MAPKAP1: variants seen among roughly 807,000 people sequenced by gnomAD.
The protein encoded by MAPKAP1 is target of rapamycin complex 2 subunit MAPKAP1.
In MAPKAP1, 20 loss-of-function variants were observed where a neutral mutation model predicts 65.7. That is an observed-to-expected ratio of 0.30 (90% CI 0.21 to 0.44). The LOEUF (loss-of-function observed/expected upper bound fraction) is 0.44. Among genes scored for constraint, MAPKAP1 ranks in the 20% least tolerant of loss-of-function variants. The pLI is 1.00. For missense variants in MAPKAP1, 423 were observed against 648.0 expected (o/e 0.65, Z 3.77); for synonymous variants, 222 against 244.3 (o/e 0.91, Z 0.85).
intron 6 of MAPKAP1, 35 bp from the exon 7 acceptor site, chr9:125,543,203 C>A: frequency 7.0e-7 from 1 of 1,419,818 alleles, no homozygotes; most frequent in South Asian, 1.2e-5. Flanking sequence ...TCATCACCAA[C>A]ATTCATCCAG....
intron 8 of MAPKAP1, among the ~76,000 whole-genome samples, chr9:125,484,858 C>T (rs558911379): frequency 6.6e-6 from 1 of 152,242 alleles, no homozygotes; most frequent in East Asian, 1.9e-4. Context: ...GCAGGAAGCT[C>T]AGTCCACAGG....
At chr9:125,696,570 A>G (rs1835392015) in intron 1 of MAPKAP1, among the ~76,000 whole-genome samples, 1 of 152,138 alleles carries the variant, frequency 6.6e-6, no homozygotes, top group South Asian at 2.1e-4. Context: ...ATTTGCAAAC[A>G]TAGGCAAAAC....
Position 125,585,488 on chromosome 9 carries a change from C to G in MAPKAP1, c.671+67G>C, listed in dbSNP as rs1010645312. On this transcript the variant is annotated intron_variant, in intron 5 of 11. Transcript: ENST00000265960. ...CCAATGCCTAGAAAGACTAACCAGC[C>G]TAGAAGACACCTTGGGTGGCCAAAA... The G allele has an allele frequency of 1.9e-6, 3 of 1,559,012 alleles. No homozygotes were observed. In the African/African-American group the frequency reaches 4.1e-5, roughly 21 times the overall value.
intron 10 of MAPKAP1, among the ~76,000 whole-genome samples, chr9:125,465,424 G>A (rs955892579): frequency 4.6e-5 from 7 of 152,102 alleles, no homozygotes; most frequent in Non-Finnish European, 1.0e-4. Context: ...AACAGAAGAC[G>A]CCCCACAGAT....
intron 1 of MAPKAP1, among the ~76,000 whole-genome samples, chr9:125,693,592 TACACACAC>T (rs1050749444): frequency 6.7e-6 from 1 of 149,662 alleles, no homozygotes; most frequent in African/African-American, 2.5e-5. Context: ...TATACACGTA[TACACACAC>T]ACATACACAT....
chr9:125,571,132 A>G (rs980388326), intron 5 of MAPKAP1, among the ~76,000 whole-genome samples: 5 of 152,198 alleles, frequency 3.3e-5, no homozygotes, highest in African/African-American at 9.6e-5. Context: ...TTTGGACTAT[A>G]TGTGCATAAA....
chr9:125,670,134 T>C (rs1381815876), intron 2 of MAPKAP1, among the ~76,000 whole-genome samples: 1 of 152,152 alleles, frequency 6.6e-6, no homozygotes, highest in African/African-American at 2.4e-5. Context: ...ATAGAGATCA[T>C]AAAGATAGTA....
At chr9:125,698,236 C>G (rs1320603563) in intron 1 of MAPKAP1, among the ~76,000 whole-genome samples, 1 of 132,676 alleles carries the variant, frequency 7.5e-6, no homozygotes, top group African/African-American at 2.8e-5. Context: ...TATTCCATCT[C>G]AAAATATATA....
chr9:125,597,128 G>A (rs751029524), intron 4 of MAPKAP1, among the ~76,000 whole-genome samples: 5 of 151,852 alleles, frequency 3.3e-5, no homozygotes, highest in African/African-American at 7.3e-5. Flanking sequence ...AGCCGGGCGT[G>A]GTGGTGGGCG....
At chr9:125,475,700 C>A (rs549027275) in intron 9 of MAPKAP1, among the ~76,000 whole-genome samples, 4 of 152,198 alleles carry the variant, frequency 2.6e-5, no homozygotes, top group Non-Finnish European at 5.9e-5. Context: ...GTGCTAAGTT[C>A]TCTCTGCAGA....
intron 10 of MAPKAP1, among the ~76,000 whole-genome samples, chr9:125,458,679 T>A (rs948469865): frequency 6.7e-6 from 1 of 150,108 alleles, no homozygotes; most frequent in Non-Finnish European, 1.5e-5. Context: ...CCCCCCTTTC[T>A]ATTCCACAAA....
At chr9:125,476,928 T>C (rs1854132154) in intron 9 of MAPKAP1, among the ~76,000 whole-genome samples, 1 of 152,200 alleles carries the variant, frequency 6.6e-6, no homozygotes, top group South Asian at 2.1e-4. Flanking sequence ...TGCCTCAGCA[T>C]AATGCTCTGG....
At chr9:125,614,961 T>C (rs1260469406) in intron 4 of MAPKAP1, among the ~76,000 whole-genome samples, 1 of 152,088 alleles carries the variant, frequency 6.6e-6, no homozygotes, top group Non-Finnish European at 1.5e-5. Flanking sequence ...GTATAAGGAT[T>C]AGAAATAAAA....
Position 125,480,867 on chromosome 9 carries a change from G to A in MAPKAP1, c.1207+3576C>T, listed in dbSNP as rs576921719. On this transcript the variant is annotated intron_variant, in intron 9 of 11. Coordinates refer to ENST00000265960, the MANE Select transcript of MAPKAP1 (RefSeq NM_001006617.3). ...GGCGCCTGTAGTCCCAGCTACTCAGGAGGCAGAGGCAGGAGAATGGCGTGA... is the reference window on the plus strand; with the variant it reads ...GGCGCCTGTAGTCCCAGCTACTCAGAAGGCAGAGGCAGGAGAATGGCGTGA... Among the ~76,000 whole-genome samples, 112 of 151,406 alleles carry A rather than the reference G, an allele frequency of 7.4e-4. 1 individual carries two copies. The highest frequency in any genetic ancestry group is 2.4e-3 in the African/African-American group (98 of 41,236).
chr9:125,596,661 G>C, intron 4 of MAPKAP1: 1 of 596,764 alleles, frequency 1.7e-6, no homozygotes, highest in Non-Finnish European at 3.2e-6. Flanking sequence ...AACAGGAGAG[G>C]AGAGCCAGAG....
At chr9:125,582,800 T>G (rs1831664768) in intron 5 of MAPKAP1, among the ~76,000 whole-genome samples, 1 of 152,216 alleles carries the variant, frequency 6.6e-6, no homozygotes, top group African/African-American at 2.4e-5. Flanking sequence ...CATACCCTCA[T>G]GTAGTATTTC....
At chr9:125,558,745 T>G (rs548345016) in intron 6 of MAPKAP1, among the ~76,000 whole-genome samples, 1 of 152,332 alleles carries the variant, frequency 6.6e-6, no homozygotes, top group East Asian at 1.9e-4. Context: ...AGGTTTTCCC[T>G]TAACAACTGG....
At chr9:125,488,455 T>A (rs941182615) in intron 8 of MAPKAP1, among the ~76,000 whole-genome samples, 3 of 152,166 alleles carry the variant, frequency 2.0e-5, no homozygotes, top group African/African-American at 7.2e-5. Flanking sequence ...AACCTCTACC[T>A]CCCAGGTTCA....
At position 125,438,993 on chromosome 9, in the gene MAPKAP1, G is replaced by A. The variant is rs779657195; in HGVS notation, c.1463C>T (p.Ser488Leu). ...IVLKVNYILESRASTARADYF... is the reference protein window; with the variant it reads ...IVLKVNYILELRASTARADYF... ...GTCAGCCCGGGCAGTGCTAGCTCGC[G>A]ATTCCAGGATGTAGTTAACCTAGAA... Residue 488 changes from serine (S) to leucine (L), a missense_variant, in exon 12 of 12, where the codon TCG becomes TTG. By Grantham distance (145) the Ser-to-Leu change is moderately radical (BLOSUM62 -2). This residue lies in a region of MAPKAP1 where 185 missense variants were observed against 268.1 expected (regional missense o/e 0.69). Coordinates refer to ENST00000265960, the MANE Select transcript of MAPKAP1 (RefSeq NM_001006617.3). 20 of 1,613,868 alleles carry A rather than the reference G, an allele frequency of 1.2e-5. No individual in the cohort carries two copies. Among genetic ancestry groups the A allele is most frequent in the South Asian group, 5.5e-5 (5 of 91,022 alleles).
Sources: allele counts gnomAD v4.1 joint callset (sites outside exome capture counted in the v4.1 genomes callset), GRCh38; gene constraint gnomAD v4.1.1; regional missense constraint gnomAD v4.1.1; transcripts MANE v1.5; gene names NCBI Gene and HGNC (gene_info 2026-07-23, HGNC 2026-07-21).